FOCAD: variants seen among roughly 807,000 people sequenced by gnomAD.
The protein encoded by FOCAD is KIAA1797.
In FOCAD, 198 loss-of-function variants were observed where a neutral mutation model predicts 225.6. The ratio of observed to expected loss-of-function variants is 0.88; its 90% confidence interval spans 0.78 to 0.99. The LOEUF is 0.99. Among genes scored for constraint, FOCAD ranks in the 50% least tolerant of loss-of-function variants. The pLI is 0.00. For synonymous variants in FOCAD, 897 were observed against 755.0 expected (o/e 1.19, Z -3.08); for missense variants, 2,713 against 2,123.6 (o/e 1.28, Z -5.46).
At chr9:20,662,051 A>G (rs1821743562) in intron 2 of FOCAD, among the ~76,000 whole-genome samples, 1 of 152,226 alleles carries the variant, frequency 6.6e-6, no homozygotes, top group Non-Finnish European at 1.5e-5. Context: ...TATGTATGAT[A>G]TTTGCCTTAG....
chr9:20,977,923 G>C (rs1200408184), intron 36 of FOCAD, among the ~76,000 whole-genome samples: 1 of 152,148 alleles, frequency 6.6e-6, no homozygotes, highest in East Asian at 1.9e-4. Context: ...TACTAGAAAG[G>C]CTTGATGACT....
intron 26 of FOCAD, 27 bp from the exon 27 acceptor site, chr9:20,929,331 C>T (rs978696470): frequency 6.3e-7 from 1 of 1,583,052 alleles, no homozygotes; most frequent in Non-Finnish European, 8.7e-7. Flanking sequence ...AAGGCTAACC[C>T]TGTTTTCTTT....
At chr9:20,704,703 A>C (rs1824237191) in intron 1 of FOCAD, among the ~76,000 whole-genome samples, 1 of 152,158 alleles carries the variant, frequency 6.6e-6, no homozygotes, top group African/African-American at 2.4e-5. Flanking sequence ...GTAATCTTTC[A>C]TCATTTTATC....
At chr9:20,802,154 A>G (rs1244384262) in intron 11 of FOCAD, among the ~76,000 whole-genome samples, 2 of 152,110 alleles carry the variant, frequency 1.3e-5, no homozygotes, top group Admixed American at 1.3e-4. Context: ...TGGCAGGCTT[A>G]TGGTATATTG....
intron 2 of FOCAD, among the ~76,000 whole-genome samples, chr9:20,663,328 G>T (rs1007703265): frequency 3.9e-5 from 6 of 152,094 alleles, no homozygotes; most frequent in African/African-American, 1.4e-4. Flanking sequence ...CTGCACTCCA[G>T]CCTGAGTGAC....
At chr9:20,750,012 G>T (rs989511286) in intron 5 of FOCAD, among the ~76,000 whole-genome samples, 1 of 152,112 alleles carries the variant, frequency 6.6e-6, no homozygotes, top group East Asian at 1.9e-4. Flanking sequence ...GTACTGTACT[G>T]CTCTGTGCTG....
intron 15 of FOCAD, among the ~76,000 whole-genome samples, chr9:20,857,213 T>C (rs1828274981): frequency 6.6e-6 from 1 of 152,112 alleles, no homozygotes; most frequent in Non-Finnish European, 1.5e-5. Flanking sequence ...ATTCTTCCAA[T>C]TTATGAACAT....
intron 25 of FOCAD, among the ~76,000 whole-genome samples, chr9:20,924,645 G>T (rs1384550780): frequency 1.3e-5 from 2 of 151,724 alleles, no homozygotes; most frequent in African/African-American, 4.8e-5. Flanking sequence ...TTCTTTTTTT[G>T]TTGTTGTGGG....
chr9:20,853,529 G>T (rs1173804830), intron 15 of FOCAD, among the ~76,000 whole-genome samples: 2 of 151,648 alleles, frequency 1.3e-5, no homozygotes, highest in African/African-American at 4.8e-5. Context: ...GTGATGTTAC[G>T]GGTTGTTAAT....
At chr9:20,945,390 G>A (rs1837074607) in intron 29 of FOCAD, among the ~76,000 whole-genome samples, 2 of 152,140 alleles carry the variant, frequency 1.3e-5, no homozygotes, top group African/African-American at 4.8e-5. Context: ...TCTTTGAGAG[G>A]AGCAGGGTAT....
intron 8 of FOCAD, among the ~76,000 whole-genome samples, chr9:20,777,227 A>G (rs561082291): frequency 6.6e-6 from 1 of 151,742 alleles, no homozygotes; most frequent in South Asian, 2.1e-4. Context: ...GGGTATGTCA[A>G]ATTATATTGT....
chr9:20,912,870 G>C lies in FOCAD; in HGVS notation c.2723G>C (p.Arg908Thr), dbSNP rs778674244. 32 of 1,612,836 alleles carry C rather than the reference G, an allele frequency of 2.0e-5. No individual in the cohort carries two copies. Among genetic ancestry groups the C allele is most frequent in the African/African-American group, 2.7e-5 (2 of 74,820 alleles). The change falls in exon 23 of 44, where the codon AGA (arginine) becomes ACA (threonine). Residue 908 changes from arginine to threonine, a missense_variant. By Grantham distance (71) the Arg-to-Thr change is moderately conservative. Coordinates refer to ENST00000338382, the MANE Select transcript of FOCAD (RefSeq NM_001375567.1). The part of the protein sequence containing the change: ...NRAYHAILQG[R>T]LGELELQLKH... The stretch of plus-strand genomic sequence containing the variant: ...TTTATGCTGTGATTTTTGCAGGGAA[G>C]ACTAGGAGAGCTGGAGTTGCAGTTA...
intron 21 of FOCAD, among the ~76,000 whole-genome samples, chr9:20,892,894 A>T (rs1253729195): frequency 6.6e-6 from 1 of 152,170 alleles, no homozygotes; most frequent in Non-Finnish European, 1.5e-5. Context: ...CCATCCCAAC[A>T]TTCATCAGCC....
intron 1 of FOCAD, among the ~76,000 whole-genome samples, chr9:20,693,489 T>C (rs1007195558): frequency 6.6e-6 from 1 of 152,224 alleles, no homozygotes; most frequent in Non-Finnish European, 1.5e-5. Flanking sequence ...CTACTAGGAA[T>C]GTAATCTATA....
chr9:20,769,966 G>A (rs1481180919), intron 7 of FOCAD, 66 bp from the exon 8 acceptor site: 3 of 1,414,416 alleles, frequency 2.1e-6, no homozygotes, highest in Non-Finnish European at 2.0e-6. Flanking sequence ...AAAGCTTTTT[G>A]TGTACTTTAA....
intron 21 of FOCAD, chr9:20,896,907 C>A (rs1832135513): frequency 6.6e-6 from 1 of 151,740 alleles, no homozygotes; most frequent in Non-Finnish European, 1.5e-5. Context: ...TCAGTTATAT[C>A]CAGTTGATTG....
chr9:20,710,237 T>TTG (rs1406082620), intron 1 of FOCAD, among the ~76,000 whole-genome samples: 1 of 150,342 alleles, frequency 6.7e-6, no homozygotes, highest in Non-Finnish European at 1.5e-5. Context: ...AGATTTTTTT[T>TTG]TTTTTTTTTT....
chr9:20,898,615 G>A (rs1050838674), intron 21 of FOCAD, among the ~76,000 whole-genome samples: 2 of 151,708 alleles, frequency 1.3e-5, no homozygotes, highest in Non-Finnish European at 2.9e-5. Context: ...TTGTTAATTT[G>A]TTCTTGCATA....
At chr9:20,762,986 C>T (rs1244862525) in intron 6 of FOCAD, among the ~76,000 whole-genome samples, 1 of 152,194 alleles carries the variant, frequency 6.6e-6, no homozygotes, top group Non-Finnish European at 1.5e-5. Context: ...TGGCAGTTGT[C>T]ACTTTCTATC....
Sources: allele counts gnomAD v4.1 joint callset (sites outside exome capture counted in the v4.1 genomes callset), GRCh38; gene constraint gnomAD v4.1.1; transcripts MANE v1.5; gene names NCBI Gene and HGNC (gene_info 2026-07-23, HGNC 2026-07-21).